Variants in STXBP5L observed in about 807,000 individuals in gnomAD.
STXBP5L encodes syntaxin binding protein 5L.
Under a neutral mutation model 144.5 loss-of-function variants are expected in STXBP5L, and 65 were observed. That is an observed-to-expected ratio of 0.45 (90% CI 0.37 to 0.55). The LOEUF is 0.55. Ranked by LOEUF, STXBP5L falls within the 20% of genes least tolerant of loss-of-function variation. The probability of loss-of-function intolerance (pLI) is 0.00; values close to 1 mark genes in which losing one functional copy is unlikely to be tolerated. For missense variants in STXBP5L, 1,298 were observed against 1,405.5 expected (o/e 0.92, Z 1.22); for synonymous variants, 505 against 469.6 (o/e 1.08, Z -0.97).
intron 7 of STXBP5L, among the ~76,000 whole-genome samples, chr3:121,146,424 A>C (rs565841436): frequency 6.6e-6 from 1 of 151,878 alleles, no homozygotes; most frequent in Admixed American, 6.6e-5. Context: ...CTACTAACCA[A>C]CTCCCTTCCC....
intron 20 of STXBP5L, among the ~76,000 whole-genome samples, chr3:121,325,194 C>T (rs1046486744): frequency 3.9e-5 from 6 of 151,960 alleles, no homozygotes; most frequent in South Asian, 2.1e-4. Flanking sequence ...TAGGCATTAT[C>T]GCAAAATGAC....
chr3:121,168,526 G>A (rs1323430774), intron 9 of STXBP5L, among the ~76,000 whole-genome samples: 4 of 152,092 alleles, frequency 2.6e-5, no homozygotes, highest in South Asian at 4.1e-4. Flanking sequence ...AACACGACAC[G>A]AGAACTTCGT....
chr3:121,335,097 C>T (rs985007885), intron 20 of STXBP5L, among the ~76,000 whole-genome samples: 1 of 152,136 alleles, frequency 6.6e-6, no homozygotes, highest in Non-Finnish European at 1.5e-5. Flanking sequence ...TGATAAACAC[C>T]TTCAGCAATG....
chr3:120,974,166 A>G (rs1940642885), intron 3 of STXBP5L, among the ~76,000 whole-genome samples: 1 of 152,110 alleles, frequency 6.6e-6, no homozygotes, highest in South Asian at 2.1e-4. Flanking sequence ...CAACAGTGTA[A>G]AAGTGTTCCT....
At chr3:121,088,342 T>G (rs2042600181) in intron 5 of STXBP5L, among the ~76,000 whole-genome samples, 1 of 113,850 alleles carries the variant, frequency 8.8e-6, no homozygotes, top group South Asian at 3.3e-4. Flanking sequence ...CATGAAGAAA[T>G]GCTCATCATC....
In STXBP5L at chr3:121,103,269, T is replaced by C. The variant is rs560789046; in HGVS notation, c.471-11656T>C. Among the ~76,000 whole-genome samples, 4 of 152,226 alleles carry C rather than the reference T, an allele frequency of 2.6e-5. No individual in the cohort carries two copies. The South Asian group carries it at 8.3e-4, about 32-fold the overall frequency. ...GTTCATTGCAGCACTATTCACAATA[T>C]CAAAGACATGGAATCAACCCAGGTG... On this transcript the variant is annotated intron_variant, in intron 5 of 26. Coordinates refer to ENST00000471454, the MANE Select transcript of STXBP5L (RefSeq NM_001308330.2).
intron 3 of STXBP5L, among the ~76,000 whole-genome samples, chr3:120,961,850 C>T (rs1338270041): frequency 1.3e-5 from 2 of 152,238 alleles, no homozygotes; most frequent in Non-Finnish European, 2.9e-5. Flanking sequence ...AATCGCCACA[C>T]TGTCTTCCAC....
chr3:120,932,840 A>C (rs1710018832), intron 2 of STXBP5L, among the ~76,000 whole-genome samples: 1 of 152,112 alleles, frequency 6.6e-6, no homozygotes, highest in Non-Finnish European at 1.5e-5. Context: ...AATGTGGCAC[A>C]TATACACCAT....
At chr3:120,981,851 C>G (rs954573723) in intron 3 of STXBP5L, among the ~76,000 whole-genome samples, 2 of 152,098 alleles carry the variant, frequency 1.3e-5, no homozygotes, top group Admixed American at 1.3e-4. Context: ...ATTGTTTTTC[C>G]TCCTTGAAGG....
intron 5 of STXBP5L, among the ~76,000 whole-genome samples, chr3:121,074,458 C>G (rs1230592507): frequency 1.3e-5 from 2 of 152,124 alleles, no homozygotes; most frequent in East Asian, 3.9e-4. Flanking sequence ...AGGAGCCAGT[C>G]TATATGCTTT....
intron 5 of STXBP5L, among the ~76,000 whole-genome samples, chr3:121,068,611 A>G (rs998062075): frequency 2.0e-5 from 3 of 151,788 alleles, no homozygotes; most frequent in South Asian, 2.1e-4. Flanking sequence ...CTTGCACTTT[A>G]CCTCTATTTA....
At chr3:121,234,169 A>C (rs1019407602) in intron 12 of STXBP5L, among the ~76,000 whole-genome samples, 3 of 152,162 alleles carry the variant, frequency 2.0e-5, no homozygotes, top group Admixed American at 1.3e-4. Flanking sequence ...ATGCTATAAT[A>C]GTGGTGCTCT....
intron 5 of STXBP5L, among the ~76,000 whole-genome samples, chr3:121,064,713 T>A (rs2041458195): frequency 6.6e-6 from 1 of 152,244 alleles, no homozygotes; most frequent in Non-Finnish European, 1.5e-5. Flanking sequence ...AGGTTTTGTC[T>A]TAAATATTTG....
intron 9 of STXBP5L, among the ~76,000 whole-genome samples, chr3:121,179,145 A>T (rs2047044385): frequency 6.6e-6 from 1 of 152,084 alleles, no homozygotes. Flanking sequence ...AAACTGGAGA[A>T]AAAGAAAATA....
chr3:121,206,202 T>C (rs2048330804), intron 10 of STXBP5L, among the ~76,000 whole-genome samples: 1 of 152,210 alleles, frequency 6.6e-6, no homozygotes, highest in Admixed American at 6.5e-5. Flanking sequence ...GTGTTAATTA[T>C]TTCAGGATTC....
chr3:121,065,087 C>A (rs1576833217), intron 5 of STXBP5L, among the ~76,000 whole-genome samples: 1 of 151,116 alleles, frequency 6.6e-6, no homozygotes, highest in South Asian at 2.1e-4. Flanking sequence ...TTTTTTATGG[C>A]TGCATAGTAT....
At chr3:120,993,834 A>T (rs1576601548) in intron 3 of STXBP5L, among the ~76,000 whole-genome samples, 1 of 151,882 alleles carries the variant, frequency 6.6e-6, no homozygotes, top group Admixed American at 6.6e-5. Flanking sequence ...TTTTGTGAGA[A>T]TATCATTGAT....
chr3:121,030,330 C>T (rs936104627), intron 3 of STXBP5L, among the ~76,000 whole-genome samples: 1 of 152,072 alleles, frequency 6.6e-6, no homozygotes, highest in Non-Finnish European at 1.5e-5. Context: ...GCATATATAC[C>T]ATGGAATATT....
At position 121,378,697 on chromosome 3, in the gene STXBP5L, C is replaced by A; in HGVS notation, c.2177-19C>A. 1 of 1,610,224 alleles carries A rather than the reference C, an allele frequency of 6.2e-7. No homozygotes were observed. Among genetic ancestry groups the A allele is most frequent in the Non-Finnish European group, 8.5e-7 (1 of 1,177,928 alleles). ...GAGTTAATCATTATATGTATGCTGC[C>A]TTCCTCCTCTTGGCACAGACCATGT... On this transcript the variant is annotated intron_variant, in intron 20 of 26. Coordinates refer to ENST00000471454, the MANE Select transcript of STXBP5L (RefSeq NM_001308330.2).
Sources: gnomAD v4.1 joint callset for allele counts (sites outside exome capture counted in the v4.1 genomes callset) on GRCh38, gnomAD v4.1.1 for gene constraint, MANE v1.5 for transcripts, NCBI Gene and HGNC (gene_info 2026-07-23, HGNC 2026-07-21) for gene names.